The following LYPLAL1 variants were observed in gnomAD, a reference collection of about 807,000 sequenced individuals.
The protein encoded by LYPLAL1 is lysophospholipase-like protein 1.
A neutral mutation model predicts 19.7 loss-of-function variants in LYPLAL1; 23 were observed. That is an observed-to-expected ratio of 1.17 (90% confidence interval 0.84 to 1.65). The LOEUF (loss-of-function observed/expected upper bound fraction) is 1.65. Ranked by LOEUF, LYPLAL1 falls within the 40% of genes most tolerant of loss-of-function variation. The pLI is 0.00. For synonymous variants in LYPLAL1, 119 were observed against 96.3 expected (o/e 1.24, Z -1.38); for missense variants, 355 against 279.4 (o/e 1.27, Z -1.93).
chr1:219,236,368 T>G, the LYPLAL1 span, among the ~76,000 whole-genome samples: 2 of 152,238 alleles, frequency 1.3e-5, no homozygotes, highest in Non-Finnish European at 2.9e-5. Flanking sequence ...TTAGCTATTA[T>G]CTCAAAGCAA....
chr1:219,313,890 C>CACAA, the LYPLAL1 span, among the ~76,000 whole-genome samples: 1 of 152,142 alleles, frequency 6.6e-6, no homozygotes, highest in Non-Finnish European at 1.5e-5. Flanking sequence ...AATTGAGTGT[C>CACAA]ACAGGGGTTT....
the LYPLAL1 span, among the ~76,000 whole-genome samples, chr1:219,381,992 G>A: frequency 6.6e-5 from 10 of 152,198 alleles, no homozygotes; most frequent in Admixed American, 6.5e-4. Context: ...AACAGATCTA[G>A]CCTGCACTGG....
the LYPLAL1 span, among the ~76,000 whole-genome samples, chr1:219,298,978 G>A: frequency 1.3e-5 from 2 of 152,254 alleles, no homozygotes; most frequent in African/African-American, 2.4e-5. Context: ...TTAAAAACTC[G>A]TTGAGAAATT....
At chr1:219,357,555 C>T in the LYPLAL1 span, among the ~76,000 whole-genome samples, 2 of 152,134 alleles carry the variant, frequency 1.3e-5, no homozygotes, top group Admixed American at 6.5e-5. Context: ...AAAAGAAATT[C>T]TCATTCATTG....
chr1:219,400,956 T>A, the LYPLAL1 span, among the ~76,000 whole-genome samples: 26 of 152,372 alleles, frequency 1.7e-4, no homozygotes, highest in African/African-American at 4.6e-4. Context: ...AAGGGTTTGA[T>A]GAATATTCTC....
At chr1:219,326,074 C>T in the LYPLAL1 span, among the ~76,000 whole-genome samples, 2 of 152,070 alleles carry the variant, frequency 1.3e-5, no homozygotes, top group Non-Finnish European at 2.9e-5. Context: ...CCACTATGCC[C>T]TGCTAATTTT....
chr1:219,409,052 T>C, the LYPLAL1 span, among the ~76,000 whole-genome samples: 1 of 152,196 alleles, frequency 6.6e-6, no homozygotes, highest in Non-Finnish European at 1.5e-5. Flanking sequence ...CTTAGAAGTA[T>C]ACTTTAATAC....
At chr1:219,309,719 G>A in the LYPLAL1 span, among the ~76,000 whole-genome samples, 1 of 152,062 alleles carries the variant, frequency 6.6e-6, no homozygotes, top group East Asian at 1.9e-4. Flanking sequence ...TGATTCTGAG[G>A]CCTCCCCAGC....
chr1:219,276,148 A>G, the LYPLAL1 span, among the ~76,000 whole-genome samples: 3 of 152,144 alleles, frequency 2.0e-5, no homozygotes, highest in African/African-American at 4.8e-5. Context: ...CACTCAAGTC[A>G]CTTCATCTTT....
At chr1:219,269,117 C>T in the LYPLAL1 span, among the ~76,000 whole-genome samples, 3 of 152,086 alleles carry the variant, frequency 2.0e-5, no homozygotes, top group Non-Finnish European at 2.9e-5. Context: ...GTGTTGTATG[C>T]CCAAGTGTAT....
the LYPLAL1 span, among the ~76,000 whole-genome samples, chr1:219,305,676 C>T: frequency 2.0e-4 from 30 of 152,258 alleles, no homozygotes; most frequent in African/African-American, 6.7e-4. Context: ...AAAACCCTAT[C>T]GTTTACAAAC....
chr1:219,323,382 G>T, the LYPLAL1 span, among the ~76,000 whole-genome samples: 1 of 152,186 alleles, frequency 6.6e-6, no homozygotes, highest in Non-Finnish European at 1.5e-5. Context: ...GTCTCATTAT[G>T]TGGCCTTCAT....
chr1:219,267,852 G>A, the LYPLAL1 span, among the ~76,000 whole-genome samples: 8 of 152,172 alleles, frequency 5.3e-5, no homozygotes, highest in Admixed American at 1.3e-4. Flanking sequence ...GCCTCTATAC[G>A]TATTTCTGAG....
chr1:219,255,863 C>T, the LYPLAL1 span, among the ~76,000 whole-genome samples: 8 of 151,700 alleles, frequency 5.3e-5, no homozygotes, highest in Non-Finnish European at 1.2e-4. Flanking sequence ...AAAATATCCA[C>T]GATTTTGCTC....
the LYPLAL1 span, among the ~76,000 whole-genome samples, chr1:219,386,967 C>G: frequency 6.6e-6 from 1 of 152,104 alleles, no homozygotes; most frequent in Admixed American, 6.5e-5. Context: ...TGTATCTATC[C>G]CCTAATCCAC....
At chr1:219,268,361 AATC>A in the LYPLAL1 span, among the ~76,000 whole-genome samples, 1 of 152,210 alleles carries the variant, frequency 6.6e-6, no homozygotes, top group Non-Finnish European at 1.5e-5. Context: ...GCCTGGGTAA[AATC>A]ATCAGGCAGA....
the LYPLAL1 span, among the ~76,000 whole-genome samples, chr1:219,264,747 A>C: frequency 1.3e-5 from 2 of 152,172 alleles, no homozygotes. Context: ...GCATTTTACA[A>C]TGCCTGTGTG....
At chr1:219,254,529 AC>A in the LYPLAL1 span, among the ~76,000 whole-genome samples, 1 of 151,942 alleles carries the variant, frequency 6.6e-6, no homozygotes, top group Non-Finnish European at 1.5e-5. Context: ...TTTTCCTTTC[AC>A]TGAGGAAGCT....
At chr1:219,359,282 G>T in the LYPLAL1 span, among the ~76,000 whole-genome samples, 40 of 152,242 alleles carry the variant, frequency 2.6e-4, no homozygotes, top group African/African-American at 7.7e-4. Context: ...ATACCTCCAG[G>T]ATCACTTCAG....
Sources: allele counts gnomAD v4.1 joint callset (sites outside exome capture counted in the v4.1 genomes callset), GRCh38; gene constraint gnomAD v4.1.1; transcripts MANE v1.5; gene names NCBI Gene and HGNC (gene_info 2026-07-23, HGNC 2026-07-21).